The following SYN3 variants were observed in gnomAD, a reference collection of about 807,000 sequenced individuals.
SYN3 encodes synapsin-3.
A neutral mutation model predicts 65.8 loss-of-function variants in SYN3; 35 were observed. The observed-to-expected ratio is 0.53, with a 90% CI of 0.41 to 0.70. The LOEUF (loss-of-function observed/expected upper bound fraction) is 0.70, where lower values mean the gene tolerates loss of function less well. Among genes scored for constraint, SYN3 ranks in the 30% least tolerant of loss-of-function variants. SYN3 has a pLI of 0.00. For missense variants in SYN3, 680 were observed against 749.0 expected, an observed-to-expected ratio of 0.91 and a Z score of 1.08; for synonymous variants, 270 against 292.9, an observed-to-expected ratio of 0.92 and a Z score of 0.80.
chr22:32,692,155 CAAAAAAAA>C (rs1188224009), intron 6 of SYN3, among the ~76,000 whole-genome samples: 1 of 34,496 alleles, frequency 2.9e-5, no homozygotes, highest in Non-Finnish European at 4.3e-5. Flanking sequence ...GACAAAAAGA[CAAAAAAAA>C]AAAAAAAAAA....
intron 1 of SYN3, among the ~76,000 whole-genome samples, chr22:33,024,610 A>AT (rs2053610820): frequency 6.6e-6 from 1 of 152,184 alleles, no homozygotes; most frequent in African/African-American, 2.4e-5. Flanking sequence ...GACACAATAT[A>AT]TTAGTAAAGT....
intron 6 of SYN3, among the ~76,000 whole-genome samples, chr22:32,805,557 A>G (rs886722397): frequency 1.3e-5 from 2 of 152,082 alleles, no homozygotes; most frequent in African/African-American, 2.4e-5. Flanking sequence ...CAGCTGGAGG[A>G]GGGAAGAGAC....
chr22:33,044,075 A>T (rs2054014296), intron 1 of SYN3, among the ~76,000 whole-genome samples: 2 of 152,020 alleles, frequency 1.3e-5, no homozygotes, highest in Non-Finnish European at 2.9e-5. Flanking sequence ...AGTGCATTGA[A>T]CTATGCTTTG....
At chr22:32,979,526 G>C (rs375334414) in intron 3 of SYN3, among the ~76,000 whole-genome samples, 25 of 152,292 alleles carry the variant, frequency 1.6e-4, no homozygotes, top group East Asian at 5.8e-4. Flanking sequence ...AGTGCAGGGA[G>C]AAGAACAGTC....
At chr22:32,671,810 C>T (rs1035217895) in intron 6 of SYN3, among the ~76,000 whole-genome samples, 13 of 151,808 alleles carry the variant, frequency 8.6e-5, no homozygotes, top group South Asian at 2.1e-4. Flanking sequence ...TACACACACA[C>T]GCTGTGACAC....
In SYN3 at chr22:32,744,794, T is replaced by C. The variant is rs553004979; in HGVS notation, c.711+120121A>G. ...CCAAGGGCAAGCTCAGGAACAATGA[T>C]GGTGTGGGCGATTGCCCACGCAGCA... On this transcript the variant is annotated intron_variant, in intron 6 of 13. Coordinates refer to ENST00000358763, the MANE Select transcript of SYN3 (RefSeq NM_003490.4). 9.9e-5 allele frequency among the ~76,000 whole-genome samples: 15 copies of C among 152,194 alleles called. No individual in the cohort carries two copies. In the East Asian group the frequency reaches 2.3e-3, roughly 24 times the overall value.
intron 1 of SYN3, among the ~76,000 whole-genome samples, chr22:33,023,595 G>T (rs1276503233): frequency 2.0e-5 from 3 of 152,132 alleles, no homozygotes; most frequent in African/African-American, 7.2e-5. Flanking sequence ...ACATGCCTGT[G>T]GTCGCAGCAA....
At chr22:33,042,964 A>T (rs1249959913) in intron 1 of SYN3, among the ~76,000 whole-genome samples, 1 of 152,110 alleles carries the variant, frequency 6.6e-6, no homozygotes, top group Admixed American at 6.6e-5. Flanking sequence ...CACACTTCCT[A>T]CTGCTCTTTC....
chr22:33,036,741 G>A (rs1351548466), intron 1 of SYN3, among the ~76,000 whole-genome samples: 1 of 137,706 alleles, frequency 7.3e-6, no homozygotes, highest in East Asian at 2.2e-4. Flanking sequence ...GCCCAGGCTG[G>A]AGGGCAATGC....
chr22:32,658,674 A>T (rs2146989018), intron 6 of SYN3, among the ~76,000 whole-genome samples: 1 of 152,270 alleles, frequency 6.6e-6, no homozygotes, highest in East Asian at 1.9e-4. Context: ...TCGTGGTGAC[A>T]ATGGGATTTA....
At chr22:32,997,980 T>C (rs980657541) in intron 2 of SYN3, among the ~76,000 whole-genome samples, 2 of 150,586 alleles carry the variant, frequency 1.3e-5, no homozygotes, top group South Asian at 4.2e-4. Flanking sequence ...TGAGCTGAGA[T>C]TGAACCACTG....
At chr22:32,847,296 G>A (rs972542122) in intron 6 of SYN3, among the ~76,000 whole-genome samples, 2 of 152,158 alleles carry the variant, frequency 1.3e-5, no homozygotes, top group Admixed American at 6.5e-5. Flanking sequence ...GAATACTACC[G>A]CAATGTTAGA....
chr22:32,965,259 T>A lies in SYN3; in HGVS notation c.369+15386A>T, dbSNP rs541192174. Among the ~76,000 whole-genome samples, 38 of 152,286 alleles carry A rather than the reference T, an allele frequency of 2.5e-4. No homozygotes were observed. In the East Asian group the frequency reaches 6.0e-3, roughly 24 times the overall value. On this transcript the variant is annotated intron_variant, in intron 3 of 13. Transcript: ENST00000358763. Reference sequence around the variant, plus strand: ...TGCACTGTACTATATCAATGATTTATCTGCATGATTCCTGCAGGGCTAATG... The same window carrying A: ...TGCACTGTACTATATCAATGATTTAACTGCATGATTCCTGCAGGGCTAATG...
intron 7 of SYN3, among the ~76,000 whole-genome samples, chr22:32,561,535 G>T (rs2058586486): frequency 6.6e-6 from 1 of 152,228 alleles, no homozygotes; most frequent in South Asian, 2.1e-4. Context: ...AGCAGCAGAG[G>T]ACCTTTCAGT....
At chr22:32,576,125 C>T (rs867222828) in intron 7 of SYN3, among the ~76,000 whole-genome samples, 6 of 152,114 alleles carry the variant, frequency 3.9e-5, no homozygotes, top group East Asian at 1.9e-4. Context: ...ATGGTTCTAT[C>T]GACATATAGA....
At position 32,932,884 on chromosome 22, in the gene SYN3, G is replaced by A. The variant is rs544870107; in HGVS notation, c.370-1403C>T. ...GGCTGGTTCCTGCTGAGGGCTATAA[G>A]GGAAGGATGTGTTCCAGACCTCTCT... On this transcript the variant is annotated intron_variant, in intron 3 of 13. Transcript: ENST00000358763. Among the ~76,000 whole-genome samples the A allele has an allele frequency of 1.6e-4, 25 of 152,258 alleles. No homozygotes were observed. The South Asian group carries it at 5.2e-3, about 32-fold the overall frequency.
At chr22:32,576,282 G>C (rs1015317480) in intron 7 of SYN3, among the ~76,000 whole-genome samples, 1 of 151,764 alleles carries the variant, frequency 6.6e-6, no homozygotes, top group African/African-American at 2.4e-5. Context: ...CATGTGCCAA[G>C]CTCTGTGCCG....
At chr22:32,622,425 C>T (rs564099589) in intron 6 of SYN3, among the ~76,000 whole-genome samples, 55 of 152,274 alleles carry the variant, frequency 3.6e-4, no homozygotes, top group Middle Eastern at 3.4e-3. Context: ...CATCCTGCCT[C>T]ATTTCCATGG....
chr22:33,039,770 TTC>T (rs1217401660), intron 1 of SYN3, among the ~76,000 whole-genome samples: 1 of 152,172 alleles, frequency 6.6e-6, no homozygotes. Flanking sequence ...TCCCTGTATT[TTC>T]TCTGTCATAC....
Sources: gnomAD v4.1 joint callset for allele counts (sites outside exome capture counted in the v4.1 genomes callset) on GRCh38, gnomAD v4.1.1 for gene constraint, MANE v1.5 for transcripts, NCBI Gene and HGNC (gene_info 2026-07-23, HGNC 2026-07-21) for gene names.